Variants in UQCRH observed in about 807,000 individuals in gnomAD.
The protein encoded by UQCRH is ubiquinol-cytochrome c reductase hinge protein, also known as cytochrome b-c1 complex subunit 6, mitochondrial.
UQCRH carries 14 observed loss-of-function variants against 16.3 expected under a neutral mutation model. That is an observed-to-expected ratio of 0.86 (90% confidence interval 0.57 to 1.34). The LOEUF (loss-of-function observed/expected upper bound fraction) is 1.34. UQCRH is among the 40% of genes most tolerant of loss of function. UQCRH has a pLI of 0.00. For missense variants in UQCRH, 89 were observed against 111.9 expected (o/e 0.80, Z 0.92); for synonymous variants, 41 against 41.9 (o/e 0.98, Z 0.08).
chr1:46,303,857 C>T (rs1661305895), intron 1 of UQCRH, 37 bp downstream of exon 1: 1 of 1,613,824 alleles, frequency 6.2e-7, no homozygotes, highest in African/African-American at 1.3e-5. Flanking sequence ...TCTTCTCTGC[C>T]CTGAAGCCCA....
intron 1 of UQCRH, 46 bp from the exon 2 acceptor site, chr1:46,309,055 A>G (rs1661422516): frequency 6.3e-7 from 1 of 1,598,822 alleles, no homozygotes; most frequent in Admixed American, 1.7e-5. Context: ...AGGAATAAAT[A>G]TGTCATAAAA....
At chr1:46,315,741 A>G (rs1248450734) in intron 3 of UQCRH, among the ~76,000 whole-genome samples, 1 of 152,212 alleles carries the variant, frequency 6.6e-6, no homozygotes, top group African/African-American at 2.4e-5. Flanking sequence ...GCTAAATGCT[A>G]AGGGGAAAAA....
At chr1:46,307,696 G>C (rs1661401059) in intron 1 of UQCRH, among the ~76,000 whole-genome samples, 1 of 152,190 alleles carries the variant, frequency 6.6e-6, no homozygotes, top group Admixed American at 6.5e-5. Flanking sequence ...GTATTTCCAA[G>C]CTCATGAGTG....
chr1:46,313,111 T>C (rs1490435760), intron 3 of UQCRH, among the ~76,000 whole-genome samples: 2 of 152,068 alleles, frequency 1.3e-5, no homozygotes, highest in Non-Finnish European at 2.9e-5. Context: ...CCAAGAGAAA[T>C]GAAAACATAT....
rs1463409063 is a variant in UQCRH, at chr1:46,303,763, A to G, written c.-4A>G. The stretch of plus-strand genomic sequence containing the variant: ...TCGTGTTGAATCTAGAACCGTAGCC[A>G]GACATGGGACTGGAGGACGAGCAAA... On this transcript the variant is annotated 5_prime_UTR_variant, in exon 1 of 4. Coordinates refer to ENST00000311672, the MANE Select transcript of UQCRH (RefSeq NM_006004.4). The G allele has an allele frequency of 6.2e-7, 1 of 1,614,164 alleles. No homozygotes were observed. Among genetic ancestry groups the G allele is most frequent in the South Asian group, 1.1e-5 (1 of 91,088 alleles).
In UQCRH at chr1:46,314,931, A is replaced by G. The variant is rs925563517; in HGVS notation, c.244-1621A>G. 3.3e-5 allele frequency among the ~76,000 whole-genome samples: 5 copies of G among 152,336 alleles called. No homozygotes were observed. In the South Asian group the frequency reaches 1.0e-3, roughly 32 times the overall value. On this transcript the variant is annotated intron_variant, in intron 3 of 3. Transcript: ENST00000311672. ...AAGATGAAAAAGGTCCCAAGATTGG[A>G]CGTTCTAGAGATTGTAGGGGACTGT...
At chr1:46,311,420 AC>A (rs1348676637) in intron 3 of UQCRH, among the ~76,000 whole-genome samples, 2 of 151,280 alleles carry the variant, frequency 1.3e-5, no homozygotes, top group Non-Finnish European at 2.9e-5. Flanking sequence ...CTACTAAAGT[AC>A]AAAAAATTAG....
rs184237944 is a variant in UQCRH, at chr1:46,313,399, C to T, written c.243+3083C>T. Among the ~76,000 whole-genome samples, 169 of 152,084 alleles carry T rather than the reference C, an allele frequency of 1.1e-3. 2 individuals carry two copies. The South Asian group carries it at 0.017, about 15-fold the overall frequency. On this transcript the variant is annotated intron_variant, in intron 3 of 3. Coordinates refer to ENST00000311672, the MANE Select transcript of UQCRH (RefSeq NM_006004.4). Reference sequence around the variant, plus strand: ...ATCCCAGCCCTTTGGGAGGCGGAGGCGGGTGGATCATGAGGTCAGGAGATC... The same window carrying T: ...ATCCCAGCCCTTTGGGAGGCGGAGGTGGGTGGATCATGAGGTCAGGAGATC...
intron 3 of UQCRH, among the ~76,000 whole-genome samples, chr1:46,313,302 G>C (rs919663670): frequency 2.0e-5 from 3 of 152,084 alleles, no homozygotes; most frequent in African/African-American, 7.2e-5. Flanking sequence ...GACCAGCCTG[G>C]GCAACATGGT....
intron 3 of UQCRH, among the ~76,000 whole-genome samples, chr1:46,313,308 A>G (rs184471410): frequency 1.3e-4 from 20 of 152,252 alleles, no homozygotes; most frequent in Admixed American, 6.5e-4. Context: ...CCTGGGCAAC[A>G]TGGTAAAACC....
Position 46,310,232 on chromosome 1 carries a change from T to C in UQCRH, c.159T>C (p.Cys53=). ...CVKARERLEL[C]DERVSSRSHT... Reference sequence around the variant, plus strand: ...AGGCCCGGGAGCGGCTAGAGCTCTGTGATGAGCGTGTATCCTCTCGATCAC... The same window carrying C: ...AGGCCCGGGAGCGGCTAGAGCTCTGCGATGAGCGTGTATCCTCTCGATCAC... The change falls in exon 3 of 4, where the codon TGT becomes TGC. Residue 53 remains cysteine (C), a synonymous_variant. Coordinates refer to ENST00000311672, the MANE Select transcript of UQCRH (RefSeq NM_006004.4). 6.2e-7 allele frequency: 1 copy of C among 1,614,212 alleles called. No homozygotes were observed. Among genetic ancestry groups the C allele is most frequent in the Non-Finnish European group, 8.5e-7 (1 of 1,180,042 alleles).
At chr1:46,315,222 A>T (rs1228415992) in intron 3 of UQCRH, among the ~76,000 whole-genome samples, 1 of 152,194 alleles carries the variant, frequency 6.6e-6, no homozygotes, top group Non-Finnish European at 1.5e-5. Flanking sequence ...AGGCACGTGG[A>T]TCACCTGAGG....
chr1:46,311,653 C>T (rs1237077097), intron 3 of UQCRH, among the ~76,000 whole-genome samples: 2 of 150,780 alleles, frequency 1.3e-5, no homozygotes, highest in African/African-American at 2.4e-5. Context: ...AGTGCAGTGG[C>T]GCGATCTCGG....
At chr1:46,310,467 CCTATT>C in intron 3 of UQCRH, 151 bp downstream of exon 3, 2 of 1,211,218 alleles carry the variant, frequency 1.7e-6, no homozygotes, top group African/African-American at 1.5e-5. Flanking sequence ...ATGTAAATAA[CCTATT>C]CTATTTTATT....
chr1:46,314,328 T>C (rs1661537973), intron 3 of UQCRH, among the ~76,000 whole-genome samples: 1 of 144,666 alleles, frequency 6.9e-6, no homozygotes. Context: ...ATCACGCCAC[T>C]GCACTTCAGC....
chr1:46,305,311 A>AAAC (rs924810486), intron 1 of UQCRH, among the ~76,000 whole-genome samples: 1 of 151,316 alleles, frequency 6.6e-6, no homozygotes, highest in African/African-American at 2.4e-5. Flanking sequence ...AAAAAAAAAA[A>AAAC]AAAAAAAAAA....
intron 1 of UQCRH, among the ~76,000 whole-genome samples, chr1:46,306,615 T>A (rs753298288): frequency 1.5e-4 from 23 of 151,758 alleles, no homozygotes; most frequent in Non-Finnish European, 2.8e-4. Flanking sequence ...CTCGTGATCC[T>A]CCTGCCTTGG....
intron 1 of UQCRH, among the ~76,000 whole-genome samples, chr1:46,307,850 A>G (rs1170777216): frequency 6.6e-6 from 1 of 152,178 alleles, no homozygotes; most frequent in Non-Finnish European, 1.5e-5. Context: ...TTCCTAATTC[A>G]AGTTCACAGT....
At chr1:46,313,351 G>A (rs1295267177) in intron 3 of UQCRH, among the ~76,000 whole-genome samples, 1 of 152,058 alleles carries the variant, frequency 6.6e-6, no homozygotes, top group African/African-American at 2.4e-5. Context: ...TATAAAAGCC[G>A]GGCGCGGTGG....
Sources: allele counts gnomAD v4.1 joint callset (sites outside exome capture counted in the v4.1 genomes callset), GRCh38; gene constraint gnomAD v4.1.1; transcripts MANE v1.5; gene names NCBI Gene and HGNC (gene_info 2026-07-23, HGNC 2026-07-21).